The following TGFB2 variants were observed in gnomAD, a reference collection of about 807,000 sequenced individuals.
TGFB2 encodes transforming growth factor beta 2.
Under a neutral mutation model 42.7 loss-of-function variants are expected in TGFB2, and 13 were observed. That is an observed-to-expected ratio of 0.30 (90% CI 0.20 to 0.48). The LOEUF is 0.48. Ranked by LOEUF, TGFB2 falls within the 20% of genes least tolerant of loss-of-function variation. The probability of loss-of-function intolerance (pLI) is 0.99; values close to 1 mark genes in which losing one functional copy is unlikely to be tolerated. For missense variants in TGFB2, 390 were observed against 517.5 expected, an observed-to-expected ratio of 0.75 and a Z score of 2.39; for synonymous variants, 193 against 193.6, an observed-to-expected ratio of 1.00 and a Z score of 0.03.
chr1:218,373,110 G>A (rs1029463110), intron 1 of TGFB2, among the ~76,000 whole-genome samples: 3 of 152,230 alleles, frequency 2.0e-5, no homozygotes, highest in African/African-American at 4.8e-5. Flanking sequence ...TCTGGGAGGC[G>A]GAGGTTGTGG....
chr1:218,360,642 T>A (rs1412377480), intron 1 of TGFB2, among the ~76,000 whole-genome samples: 1 of 152,084 alleles, frequency 6.6e-6, no homozygotes, highest in Non-Finnish European at 1.5e-5. Context: ...AACCTGCACA[T>A]CCTGCACATG....
intron 1 of TGFB2, among the ~76,000 whole-genome samples, chr1:218,352,127 C>A (rs1408499187): frequency 2.0e-5 from 3 of 146,614 alleles, no homozygotes; most frequent in East Asian, 2.0e-4. Context: ...GCCCACAGCA[C>A]CCCCACCCCA....
At chr1:218,383,506 C>A (rs536024595) in intron 1 of TGFB2, among the ~76,000 whole-genome samples, 7 of 152,180 alleles carry the variant, frequency 4.6e-5, no homozygotes, top group African/African-American at 1.4e-4. Context: ...GTTGGGAAAG[C>A]AGGTGCATGA....
In TGFB2 at chr1:218,346,057, C is replaced by G. The variant is rs1656660146; in HGVS notation, c.-645C>G. Reference sequence around the variant, plus strand: ...GGCTCGCCCCCAGCGCGCGCACACGCACACACACACACACACACACACACG... The same window carrying G: ...GGCTCGCCCCCAGCGCGCGCACACGGACACACACACACACACACACACACG... On this transcript the variant is annotated 5_prime_UTR_variant, in exon 1 of 7. Coordinates refer to ENST00000366930, the MANE Select transcript of TGFB2 (RefSeq NM_003238.6). This position sits in a 1 kb window ranked among gnomAD's most constrained non-coding sequence, Gnocchi z 4.9. 9.0e-6 allele frequency among the ~76,000 whole-genome samples: 1 copy of G among 111,020 alleles called. No individual in the cohort carries two copies. The highest frequency in any genetic ancestry group is 4.9e-5 in the African/African-American group (1 of 20,580). 72.8% of individuals were successfully genotyped at this position (111,020 alleles called of 152,430 possible).
intron 6 of TGFB2, among the ~76,000 whole-genome samples, 197 bp downstream of exon 6, chr1:218,437,693 C>T (rs1185998857): frequency 6.6e-6 from 1 of 152,012 alleles, no homozygotes; most frequent in Admixed American, 6.6e-5. Flanking sequence ...AAGAAACTCC[C>T]CTAATAGATG....
intron 1 of TGFB2, among the ~76,000 whole-genome samples, chr1:218,392,964 G>A (rs1191492141): frequency 6.6e-6 from 1 of 152,154 alleles, no homozygotes; most frequent in Non-Finnish European, 1.5e-5. Context: ...AAGTAATTAG[G>A]CAATTCCCTT....
At chr1:218,397,532 C>T (rs1473927737) in intron 1 of TGFB2, among the ~76,000 whole-genome samples, 1 of 146,700 alleles carries the variant, frequency 6.8e-6, no homozygotes, top group African/African-American at 2.6e-5. Context: ...CCACTGCACT[C>T]CAACCTGTGC....
chr1:218,443,034 G>GAA lies in TGFB2; in HGVS notation c.*1677_*1678dup, dbSNP rs1193373415. 6.6e-6 allele frequency: 1 copy of GAA among 152,082 alleles called. No individual in the cohort carries two copies. The highest frequency in any genetic ancestry group is 1.5e-5 in the Non-Finnish European group (1 of 67,996). 9.4% of individuals were successfully genotyped at this position (152,082 alleles called of 1,614,324 possible). ...TATTTTAGTCGATTTTTCAAAAGGGGAAAAAAGTCCAGGTCAGCATAAGTC... is the reference window on the plus strand; with the variant it reads ...TATTTTAGTCGATTTTTCAAAAGGGGAAAAAAAAGTCCAGGTCAGCATAAGTC... On this transcript the variant is annotated 3_prime_UTR_variant, in exon 7 of 7. Transcript: ENST00000366930.
chr1:218,379,082 A>G (rs1169507467), intron 1 of TGFB2, among the ~76,000 whole-genome samples: 1 of 151,512 alleles, frequency 6.6e-6, no homozygotes, highest in Non-Finnish European at 1.5e-5. Context: ...AGTACCTTTA[A>G]TTATAAAAGC....
chr1:218,352,123 A>G (rs1353747967), intron 1 of TGFB2, among the ~76,000 whole-genome samples: 1 of 138,470 alleles, frequency 7.2e-6, no homozygotes, highest in African/African-American at 2.7e-5. Context: ...CCTTGCCCAC[A>G]GCACCCCCAC....
intron 2 of TGFB2, among the ~76,000 whole-genome samples, chr1:218,424,597 C>T (rs923487104): frequency 2.9e-4 from 44 of 152,326 alleles, no homozygotes; most frequent in African/African-American, 1.0e-3. Context: ...GTTTCTGAAG[C>T]AGGCTAACAT....
intron 1 of TGFB2, among the ~76,000 whole-genome samples, chr1:218,348,677 T>C (rs966716782): frequency 3.3e-5 from 5 of 152,188 alleles, no homozygotes; most frequent in Admixed American, 3.3e-4. Context: ...CAAGGAGATA[T>C]TAGGAAAGAA....
At chr1:218,420,283 A>C (rs1012776229) in intron 2 of TGFB2, among the ~76,000 whole-genome samples, 4 of 152,224 alleles carry the variant, frequency 2.6e-5, no homozygotes, top group African/African-American at 9.6e-5. Flanking sequence ...TACAGTCTTG[A>C]TTTAATTCTC....
rs10482798 is a variant in TGFB2 at position 218,432,504 on chromosome 1, A to G, written c.511-1578A>G. Among the ~76,000 whole-genome samples, 124 of 152,332 alleles carry G rather than the reference A, an allele frequency of 8.1e-4. 1 individual carries two copies. In the East Asian group the frequency reaches 9.6e-3, roughly 12 times the overall value. On this transcript the variant is annotated intron_variant, in intron 2 of 6. Transcript: ENST00000366930. ...TACTTAATCCAGAAAAAAGTCTACCATTATGGCAAGTATTTTAGGAAGCGT... is the reference window on the plus strand; with the variant it reads ...TACTTAATCCAGAAAAAAGTCTACCGTTATGGCAAGTATTTTAGGAAGCGT...
At chr1:218,352,963 T>G (rs1656915205) in intron 1 of TGFB2, among the ~76,000 whole-genome samples, 1 of 152,230 alleles carries the variant, frequency 6.6e-6, no homozygotes, top group African/African-American at 2.4e-5. Context: ...TGATGACATA[T>G]GTGAAGAAGC....
At chr1:218,429,901 A>G (rs1460233190) in intron 2 of TGFB2, among the ~76,000 whole-genome samples, 1 of 152,232 alleles carries the variant, frequency 6.6e-6, no homozygotes, top group Admixed American at 6.5e-5. Context: ...AAAGAAATGT[A>G]TAAAATTGAT....
At chr1:218,403,871 G>A (rs1303545123) in intron 1 of TGFB2, among the ~76,000 whole-genome samples, 1 of 152,084 alleles carries the variant, frequency 6.6e-6, no homozygotes, top group African/African-American at 2.4e-5. Context: ...CTCTGGAAAG[G>A]GGAAAGAAAG....
intron 1 of TGFB2, among the ~76,000 whole-genome samples, chr1:218,373,524 A>T (rs1657642721): frequency 6.6e-6 from 1 of 151,896 alleles, no homozygotes; most frequent in Non-Finnish European, 1.5e-5. Context: ...CAGTTATGGA[A>T]TAGTTATATT....
intron 1 of TGFB2, among the ~76,000 whole-genome samples, chr1:218,379,757 G>A (rs1657897150): frequency 6.6e-6 from 1 of 151,986 alleles, no homozygotes; most frequent in Admixed American, 6.5e-5. Flanking sequence ...TAAGTCAGCT[G>A]GCTGTGATAC....
Sources: allele counts gnomAD v4.1 joint callset (sites outside exome capture counted in the v4.1 genomes callset), GRCh38; gene constraint gnomAD v4.1.1; non-coding constraint Gnocchi (gnomAD v3.1); transcripts MANE v1.5; gene names NCBI Gene and HGNC (gene_info 2026-07-23, HGNC 2026-07-21).